CSMD1: variants seen among roughly 807,000 people sequenced by gnomAD.
CSMD1 encodes CUB and sushi domain-containing protein 1.
A neutral mutation model predicts 417.5 loss-of-function variants in CSMD1; 213 were observed. The observed-to-expected ratio is 0.51, with a 90% CI of 0.46 to 0.57. The LOEUF is 0.57. Ranked by LOEUF, CSMD1 falls within the 20% of genes least tolerant of loss-of-function variation. The pLI, the probability that CSMD1 is intolerant of heterozygous loss-of-function variation, is 0.00. For missense variants in CSMD1, 6,923 were observed against 4,529.7 expected, an observed-to-expected ratio of 1.53 and a Z score of -15.17; for synonymous variants, 2,862 against 1,736.8, an observed-to-expected ratio of 1.65 and a Z score of -16.11.
At chr8:4,412,891 C>G (rs772461203) in intron 3 of CSMD1, among the ~76,000 whole-genome samples, 1 of 152,080 alleles carries the variant, frequency 6.6e-6, no homozygotes, top group Non-Finnish European at 1.5e-5. Flanking sequence ...AAAAGAAAGA[C>G]ATAAGATAAC....
chr8:4,797,385 T>C (rs995944545), intron 1 of CSMD1, among the ~76,000 whole-genome samples: 1 of 152,216 alleles, frequency 6.6e-6, no homozygotes, highest in African/African-American at 2.4e-5. Flanking sequence ...TCCGCCTGAA[T>C]CTAGGGATCA....
intron 7 of CSMD1, among the ~76,000 whole-genome samples, chr8:3,655,461 T>A (rs551565225): frequency 5.3e-5 from 8 of 152,198 alleles, no homozygotes; most frequent in Non-Finnish European, 1.0e-4. Context: ...TACATAATTA[T>A]AATGACAAAC....
At chr8:4,227,120 C>A (rs757828367) in intron 3 of CSMD1, among the ~76,000 whole-genome samples, 5 of 152,258 alleles carry the variant, frequency 3.3e-5, no homozygotes, top group African/African-American at 1.2e-4. Context: ...GAAATCGCCC[C>A]CAAGAGAAGG....
intron 3 of CSMD1, among the ~76,000 whole-genome samples, chr8:4,381,487 G>C (rs913800146): frequency 6.6e-6 from 1 of 152,154 alleles, no homozygotes; most frequent in African/African-American, 2.4e-5. Context: ...CTTCCAACTG[G>C]CAGGCCTATA....
chr8:3,913,098 C>T (rs1808571624), intron 5 of CSMD1, among the ~76,000 whole-genome samples: 1 of 152,078 alleles, frequency 6.6e-6, no homozygotes, highest in Admixed American at 6.6e-5. Flanking sequence ...TGGTGTGTGT[C>T]TGTGTTGCAG....
rs547362955 is a variant in CSMD1, at chr8:3,229,393, T to A, written c.4345+647A>T. Among the ~76,000 whole-genome samples, 300 of 152,360 alleles carry A rather than the reference T, an allele frequency of 2.0e-3. 1 individual carries two copies. Among genetic ancestry groups the A allele is most frequent in the Non-Finnish European group, 3.4e-3 (231 of 68,036 alleles). On this transcript the variant is annotated intron_variant, in intron 27 of 69. Transcript: ENST00000635120. Reference sequence around the variant, plus strand: ...TATTTTATTGAATGAAGAGACAATCTACCTGCAATTACTATTTTACATAAA... The same window carrying A: ...TATTTTATTGAATGAAGAGACAATCAACCTGCAATTACTATTTTACATAAA...
At chr8:4,205,377 C>G (rs62501362) in intron 3 of CSMD1, among the ~76,000 whole-genome samples, 4 of 152,088 alleles carry the variant, frequency 2.6e-5, no homozygotes, top group African/African-American at 9.7e-5. Flanking sequence ...AAAGTGTGAA[C>G]AATTTTTTAG....
chr8:4,123,781 G>A (rs1421785863), intron 3 of CSMD1, among the ~76,000 whole-genome samples: 2 of 152,106 alleles, frequency 1.3e-5, no homozygotes, highest in South Asian at 2.1e-4. Context: ...GATGAAGTCA[G>A]AAGAACCCAA....
intron 7 of CSMD1, among the ~76,000 whole-genome samples, chr8:3,672,807 T>C (rs1418938725): frequency 2.0e-5 from 3 of 152,164 alleles, no homozygotes; most frequent in Admixed American, 6.5e-5. Context: ...TGCTAAACAT[T>C]TTCCAGCAGC....
intron 3 of CSMD1, among the ~76,000 whole-genome samples, chr8:4,302,473 G>C (rs4609212): frequency 0.74 from 112,102 of 151,972 alleles, 41,541 homozygotes; most frequent in East Asian, 0.85. Context: ...CAAAACAGCA[G>C]TCTGTGAAAA....
chr8:4,378,027 T>C (rs745431402), intron 3 of CSMD1, among the ~76,000 whole-genome samples: 3 of 152,208 alleles, frequency 2.0e-5, no homozygotes, highest in Non-Finnish European at 2.9e-5. Flanking sequence ...TTGTATTCCC[T>C]CTAATATACA....
At chr8:4,736,749 G>C (rs534952628) in intron 1 of CSMD1, among the ~76,000 whole-genome samples, 1 of 152,172 alleles carries the variant, frequency 6.6e-6, no homozygotes, top group African/African-American at 2.4e-5. Flanking sequence ...GCAAACTTTG[G>C]AAGCAGGTTT....
At position 4,094,364 on chromosome 8, in the gene CSMD1, G is replaced by C. The variant is rs187132643; in HGVS notation, c.416-62265C>G. On this transcript the variant is annotated intron_variant, in intron 3 of 69. Transcript: ENST00000635120. Reference sequence around the variant, plus strand: ...CTGTGAGCTGGACTCATGGGTAACAGAGGAAAGAGTGGGTCATATTTAGTT... The same window carrying C: ...CTGTGAGCTGGACTCATGGGTAACACAGGAAAGAGTGGGTCATATTTAGTT... Among the ~76,000 whole-genome samples the C allele has an allele frequency of 2.6e-4, 39 of 152,260 alleles. 1 individual carries two copies. In the East Asian group the frequency reaches 6.4e-3, roughly 25 times the overall value.
At chr8:3,257,160 A>G (rs1247108511) in intron 26 of CSMD1, among the ~76,000 whole-genome samples, 2 of 152,140 alleles carry the variant, frequency 1.3e-5, no homozygotes, top group East Asian at 1.9e-4. Context: ...CATCTCCGCT[A>G]AAAACACAAA....
chr8:4,141,972 A>T (rs1264302212), intron 3 of CSMD1, among the ~76,000 whole-genome samples: 1 of 151,114 alleles, frequency 6.6e-6, no homozygotes, highest in Admixed American at 6.6e-5. Flanking sequence ...TTTATAAATT[A>T]TGACATTAAA....
At chr8:3,679,159 G>T (rs1346557683) in intron 7 of CSMD1, among the ~76,000 whole-genome samples, 1 of 152,050 alleles carries the variant, frequency 6.6e-6, no homozygotes, top group African/African-American at 2.4e-5. Flanking sequence ...ACATCATAAT[G>T]ACAGGATCAA....
At chr8:3,363,219 A>G (rs994045641) in intron 20 of CSMD1, among the ~76,000 whole-genome samples, 3 of 152,132 alleles carry the variant, frequency 2.0e-5, no homozygotes, top group African/African-American at 7.2e-5. Context: ...AGACCTGCCT[A>G]GGCAATTAAA....
chr8:3,369,405 A>C (rs1280505137), intron 18 of CSMD1, 35 bp from the exon 19 acceptor site: 6 of 982,546 alleles, frequency 6.1e-6, no homozygotes, highest in Non-Finnish European at 8.0e-6. Flanking sequence ...TACAGCACTA[A>C]AGTTTCACAA....
intron 3 of CSMD1, among the ~76,000 whole-genome samples, chr8:4,212,482 A>G (rs1800372860): frequency 6.6e-6 from 1 of 152,098 alleles, no homozygotes; most frequent in South Asian, 2.1e-4. Flanking sequence ...TCAGACTGGC[A>G]GATGGAAGCG....
Sources: gnomAD v4.1 joint callset for allele counts (sites outside exome capture counted in the v4.1 genomes callset) on GRCh38, gnomAD v4.1.1 for gene constraint, MANE v1.5 for transcripts, NCBI Gene and HGNC (gene_info 2026-07-23, HGNC 2026-07-21) for gene names.